The following NUP188 variants were observed in gnomAD, a reference collection of about 807,000 sequenced individuals.
NUP188 encodes the protein nucleoporin 188.
A neutral mutation model predicts 223.0 loss-of-function variants in NUP188; 97 were observed. That is an observed-to-expected ratio of 0.43 (90% confidence interval 0.37 to 0.51). NUP188 has a LOEUF of 0.51. Ranked by LOEUF, NUP188 falls within the 20% of genes least tolerant of loss-of-function variation. NUP188 has a pLI of 0.00. For synonymous variants in NUP188, 869 were observed against 828.0 expected (o/e 1.05, Z -0.85); for missense variants, 1,947 against 2,175.6 (o/e 0.89, Z 2.09).
chr9:128,979,851 C>A (rs573025424), intron 13 of NUP188, among the ~76,000 whole-genome samples: 1 of 152,292 alleles, frequency 6.6e-6, no homozygotes, highest in East Asian at 1.9e-4. Context: ...CCAGGCTGGT[C>A]TCGATCTCCT....
chr9:128,974,602 A>G lies in NUP188; in HGVS notation c.1203+1353A>G, dbSNP rs114826403. ...ATTACATAATGAACCCCATGAGCCC[A>G]TCACCAGCTTCTACCAGTTATCATC... is the stretch of plus-strand genomic sequence containing the variant. On this transcript the variant is annotated intron_variant, in intron 12 of 43. Coordinates refer to ENST00000372577, the MANE Select transcript of NUP188 (RefSeq NM_015354.3). Among the ~76,000 whole-genome samples the G allele has an allele frequency of 1.6e-3, 244 of 152,172 alleles. 1 individual carries two copies. Among genetic ancestry groups the G allele is most frequent in the African/African-American group, 5.6e-3 (234 of 41,534 alleles).
chr9:128,992,751 C>A (rs532268517), intron 25 of NUP188, among the ~76,000 whole-genome samples: 35 of 152,166 alleles, frequency 2.3e-4, no homozygotes, highest in Non-Finnish European at 4.4e-4. Flanking sequence ...ATCCCTACCA[C>A]CCTGTAAACA....
chr9:128,998,629 G>A lies in NUP188; in HGVS notation c.3515+6G>A, dbSNP rs541433461. ...CTCCTCCGGCAGTGGAAGAGGTGAG[G>A]CTGTGCCAGGAGAGGCAAGCCCGAG... On this transcript the variant is annotated splice_donor_region_variant and intron_variant, in intron 32 of 43. Coordinates refer to ENST00000372577, the MANE Select transcript of NUP188 (RefSeq NM_015354.3). 1.9e-5 allele frequency: 30 copies of A among 1,612,768 alleles called. No individual in the cohort carries two copies. Among genetic ancestry groups the A allele is most frequent in the Non-Finnish European group, 2.5e-5 (29 of 1,179,214 alleles).
intron 17 of NUP188, 44 bp downstream of exon 17, chr9:128,983,072 C>T (rs1282327192): frequency 1.2e-6 from 2 of 1,608,236 alleles, no homozygotes; most frequent in Non-Finnish European, 8.5e-7. Context: ...GTAGAGATCT[C>T]AGCACTTGTG....
chr9:128,961,412 T>G (rs1399564870), intron 8 of NUP188, among the ~76,000 whole-genome samples: 1 of 151,816 alleles, frequency 6.6e-6, no homozygotes, highest in Admixed American at 6.6e-5. Context: ...CTCAGGAGGC[T>G]GAGGCAGGAG....
In NUP188 at chr9:128,981,300, G is replaced by A; in HGVS notation, c.1426G>A (p.Glu476Lys). ...SFLDKMSFYN[E>K]LYKHKPHDVI... ...CTTGGATAAGATGTCTTTCTACAAT[G>A]AACTTTATAAACACAAGCCTCATGA... The change falls in exon 15 of 44, where the codon GAA (glutamate) becomes AAA (lysine). Residue 476 changes from glutamate (E) to lysine (K), a missense_variant. Transcript: ENST00000372577. 6.2e-7 allele frequency: 1 copy of A among 1,613,876 alleles called. No homozygotes were observed. The highest frequency in any genetic ancestry group is 8.5e-7 in the Non-Finnish European group (1 of 1,179,888).
chr9:128,983,100 C>T (rs1422229099), intron 17 of NUP188, 72 bp downstream of exon 17: 3 of 1,585,076 alleles, frequency 1.9e-6, no homozygotes, highest in Non-Finnish European at 2.6e-6. Flanking sequence ...TTTGCAGGAA[C>T]CTGGACACAT....
intron 2 of NUP188, among the ~76,000 whole-genome samples, chr9:128,951,340 G>A (rs892245191): frequency 4.0e-5 from 6 of 149,986 alleles, no homozygotes; most frequent in Non-Finnish European, 7.4e-5. Flanking sequence ...AGGCTTGGTG[G>A]CATATGCTTG....
intron 8 of NUP188, among the ~76,000 whole-genome samples, chr9:128,961,362 G>A (rs1367865227): frequency 2.8e-5 from 4 of 143,702 alleles, no homozygotes; most frequent in Non-Finnish European, 4.6e-5. Flanking sequence ...AAATATAAAA[G>A]TTAGCTGAGC....
chr9:128,952,639 C>T, intron 2 of NUP188, 134 bp from the exon 3 acceptor site: 1 of 603,104 alleles, frequency 1.7e-6, no homozygotes, highest in Non-Finnish European at 2.9e-6. Context: ...TCGAGAATCA[C>T]TTGAACCTGG....
At position 128,959,098 on chromosome 9, in the gene NUP188, T is replaced by C; in HGVS notation, c.549T>C (p.Thr183=). The change falls in exon 8 of 44, where the codon ACT becomes ACC. Residue 183 remains threonine, a synonymous_variant. Transcript: ENST00000372577. ...AGCAGTTCGAAGAGCTTTATAAAAC[T>C]GAAGCACCAACTTGGGAGACACATG... The part of the protein sequence containing the change: ...YRQQFEELYK[T]EAPTWETHGN... The C allele has an allele frequency of 1.2e-6, 2 of 1,602,986 alleles. No homozygotes were observed. Among genetic ancestry groups the C allele is most frequent in the South Asian group, 1.1e-5 (1 of 88,880 alleles).
chr9:128,953,695 T>C (rs1394596675), intron 3 of NUP188, among the ~76,000 whole-genome samples: 3 of 152,192 alleles, frequency 2.0e-5, no homozygotes, highest in Non-Finnish European at 4.4e-5. Context: ...TATTATCACA[T>C]TTAGGTACCC....
chr9:128,951,683 AAAG>A (rs1274415836), intron 2 of NUP188, among the ~76,000 whole-genome samples: 12 of 152,210 alleles, frequency 7.9e-5, no homozygotes, highest in Non-Finnish European at 1.3e-4. Context: ...TAAGCAAAGA[AAAG>A]AAGGTTACAG....
rs1193631566 is a variant in NUP188, at chr9:128,984,124, A to ATTTTTTTTTT, written c.1961+584_1961+593dup. On this transcript the variant is annotated intron_variant, in intron 19 of 43. Coordinates refer to ENST00000372577, the MANE Select transcript of NUP188 (RefSeq NM_015354.3). ...GGCGTGAGCCACCGCGCCTGGCCTG[A>ATTTTTTTTTT]TTTTTTTTTTTTTTTTTTTGAGATG... is the stretch of plus-strand genomic sequence containing the variant. 2.7e-4 allele frequency among the ~76,000 whole-genome samples: 25 copies of ATTTTTTTTTT among 93,048 alleles called. 3 individuals carry two copies. Among genetic ancestry groups the ATTTTTTTTTT allele is most frequent in the African/African-American group, 1.1e-3 (18 of 16,966 alleles). 61.0% of individuals were successfully genotyped at this position (93,048 alleles called of 152,430 possible).
At chr9:128,982,373 C>A (rs1422003082) in intron 15 of NUP188, among the ~76,000 whole-genome samples, 176 bp from the exon 16 acceptor site, 1 of 143,176 alleles carries the variant, frequency 7.0e-6, no homozygotes, top group Non-Finnish European at 1.5e-5. Flanking sequence ...GAGGTTGCAG[C>A]GAGCCGAGAT....
chr9:128,958,842 G>T lies in NUP188; in HGVS notation c.413G>T (p.Arg138Leu), dbSNP rs1481288859. The T allele has an allele frequency of 8.1e-6, 13 of 1,598,342 alleles. No homozygotes were observed. Among genetic ancestry groups the T allele is most frequent in the Non-Finnish European group, 1.1e-5 (13 of 1,170,530 alleles). ...YYYEERTCILRCVLHLLTYFQ... is the reference protein window; with the variant it reads ...YYYEERTCILLCVLHLLTYFQ... ...TATGAAGAAAGAACCTGTATTCTTCGTTGTGTCTTACACCTTCTCACTTAC... is the reference window on the plus strand; with the variant it reads ...TATGAAGAAAGAACCTGTATTCTTCTTTGTGTCTTACACCTTCTCACTTAC... Residue 138 changes from arginine to leucine, a missense_variant, in exon 7 of 44, where the codon CGT (arginine) becomes CTT (leucine). Physicochemically the swap from Arg to Leu is moderately radical, Grantham distance 102. Around this residue, in one of 3 missense-constraint regions of NUP188, gnomAD observed 817 missense variants for 865.8 expected, o/e 0.94. Transcript: ENST00000372577.
intron 2 of NUP188, among the ~76,000 whole-genome samples, chr9:128,952,074 TG>T (rs1361274613): frequency 6.6e-6 from 1 of 152,168 alleles, no homozygotes; most frequent in East Asian, 1.9e-4. Flanking sequence ...ATTACAGGCC[TG>T]AGCCACCATG....
intron 8 of NUP188, among the ~76,000 whole-genome samples, chr9:128,963,466 A>G (rs1841982808): frequency 6.6e-6 from 1 of 151,422 alleles, no homozygotes; most frequent in Admixed American, 6.6e-5. Flanking sequence ...TTGTATTTTT[A>G]ATACTGGGAT....
intron 38 of NUP188, 164 bp from the exon 39 acceptor site, chr9:129,004,983 T>C (rs1029402808): frequency 7.8e-6 from 5 of 643,422 alleles, no homozygotes; most frequent in Admixed American, 2.5e-5. Context: ...AAGGGGAGCA[T>C]GAGGGAAGGA....
Sources: allele counts gnomAD v4.1 joint callset (sites outside exome capture counted in the v4.1 genomes callset), GRCh38; gene constraint gnomAD v4.1.1; regional missense constraint gnomAD v4.1.1; transcripts MANE v1.5; gene names NCBI Gene and HGNC (gene_info 2026-07-23, HGNC 2026-07-21).